The following CAMSAP3 variants were observed in gnomAD, a reference collection of about 807,000 sequenced individuals.
CAMSAP3 encodes calmodulin regulated spectrin associated protein family member 3.
CAMSAP3 carries 34 observed loss-of-function variants against 112.5 expected under a neutral mutation model. That is an observed-to-expected ratio of 0.30 (90% CI 0.23 to 0.40). The LOEUF (loss-of-function observed/expected upper bound fraction) is 0.40. Ranked by LOEUF, CAMSAP3 falls within the 10% of genes least tolerant of loss-of-function variation. The probability of loss-of-function intolerance (pLI) is 1.00; values close to 1 mark genes in which losing one functional copy is unlikely to be tolerated. For synonymous variants in CAMSAP3, 868 were observed against 799.8 expected, an observed-to-expected ratio of 1.09 and a Z score of -1.44; for missense variants, 1,602 against 1,770.3, an observed-to-expected ratio of 0.90 and a Z score of 1.71.
At chr19:7,603,532 A>C (rs952881559) in intron 1 of CAMSAP3, among the ~76,000 whole-genome samples, 4 of 152,036 alleles carry the variant, frequency 2.6e-5, no homozygotes, top group African/African-American at 9.6e-5. Context: ...CGTTCTTTCA[A>C]ACACACACAC....
chr19:7,612,572 C>G lies in CAMSAP3; in HGVS notation c.2079C>G (p.His693Gln), dbSNP rs778095328. 10 of 1,534,620 alleles carry G rather than the reference C, an allele frequency of 6.5e-6. No homozygotes were observed. Among genetic ancestry groups the G allele is most frequent in the African/African-American group, 2.7e-5 (2 of 72,990 alleles). Residue 693 changes from histidine (H) to glutamine (Q), a missense_variant, in exon 11 of 17, where the codon CAC becomes CAG. His to Gln is a conservative substitution (Grantham distance 24, BLOSUM62 0). This residue lies in a region of CAMSAP3 where 1,100 missense variants were observed against 1,135.7 expected (regional missense o/e 0.97). Coordinates refer to ENST00000160298, the MANE Select transcript of CAMSAP3 (RefSeq NM_020902.2). ...CGCCAGACCTGGGCCCGGTGCCCCA[C>G]GAGGGGCTGGGGGAATACAATCGAG... is the stretch of plus-strand genomic sequence containing the variant. ...TFSPDLGPVP[H>Q]EGLGEYNRAV... is the part of the protein sequence containing the mutation.
rs559719133 is a variant in CAMSAP3 at position 7,606,200 on chromosome 19, C to G, written c.403-71C>G. The G allele has an allele frequency of 2.4e-5, 32 of 1,308,620 alleles. No individual in the cohort carries two copies. The South Asian group carries it at 3.7e-4, about 15-fold the overall frequency. 81.1% of individuals were successfully genotyped at this position (1,308,620 alleles called of 1,614,324 possible). A position where few individuals can be genotyped will look rare whatever the true frequency, so the allele number is the denominator to read the frequency against. On this transcript the variant is annotated intron_variant, in intron 2 of 16. Coordinates refer to ENST00000160298, the MANE Select transcript of CAMSAP3 (RefSeq NM_020902.2). ...TCCCATCTGCAGGTTCTTCCTTTTC[C>G]CAGGCCCTTGGGGGCCGAGGTGCGC... is the stretch of plus-strand genomic sequence containing the variant.
In CAMSAP3 at chr19:7,613,112, G is replaced by T; in HGVS notation, c.2619G>T (p.Glu873Asp). Reference protein sequence around the residue: ...SPAGAEDSLEEEASSEGEPRV... With the variant: ...SPAGAEDSLEDEASSEGEPRV... ...CTGGTGCTGAGGATTCCTTGGAGGA[G>T]GAGGCGTCTTCGGAGGGGGAGCCCC... Residue 873 changes from glutamate (E) to aspartate (D), a missense_variant, in exon 11 of 17, where the codon GAG (glutamate) becomes GAT (aspartate). Physicochemically the swap from Glu to Asp is conservative, Grantham distance 45. Coordinates refer to ENST00000160298, the MANE Select transcript of CAMSAP3 (RefSeq NM_020902.2). The T allele has an allele frequency of 6.5e-7, 1 of 1,545,946 alleles. No individual in the cohort carries two copies. Among genetic ancestry groups the T allele is most frequent in the Non-Finnish European group, 8.7e-7 (1 of 1,145,750 alleles).
Position 7,611,178 on chromosome 19 carries a change from G to A in CAMSAP3, c.1123+10G>A. 6.2e-7 allele frequency: 1 copy of A among 1,613,180 alleles called. No individual in the cohort carries two copies. Among genetic ancestry groups the A allele is most frequent in the Non-Finnish European group, 8.5e-7 (1 of 1,179,818 alleles). ...CTCCGAGGATCCACAGGTGAGGAGG[G>A]GGTAGGTGGCTTCTGTCACGGGGGA... On this transcript the variant is annotated intron_variant, in intron 9 of 16. Transcript: ENST00000160298. The surrounding 1 kb of genome is among the most constrained non-coding windows in gnomAD (Gnocchi z 6.9).
rs2030213519 is a variant in CAMSAP3 at position 7,606,208 on chromosome 19, T to C, written c.403-63T>C. On this transcript the variant is annotated intron_variant, in intron 2 of 16. Transcript: ENST00000160298. ...GCAGGTTCTTCCTTTTCCCAGGCCC[T>C]TGGGGGCCGAGGTGCGCCTCCTGCA... is the stretch of plus-strand genomic sequence containing the variant. 24 of 1,284,104 alleles carry C rather than the reference T, an allele frequency of 1.9e-5. No individual in the cohort carries two copies. In the South Asian group the frequency reaches 2.5e-4, roughly 13 times the overall value. The allele number at this position is 1,284,104 out of a possible 1,614,324, so 79.5% of individuals were successfully genotyped here.
chr19:7,618,023 C>T lies in CAMSAP3; in HGVS notation c.3716C>T (p.Thr1239Ile), dbSNP rs780626993. The T allele has an allele frequency of 4.3e-5, 70 of 1,613,824 alleles. No individual in the cohort carries two copies. Among genetic ancestry groups the T allele is most frequent in the Admixed American group, 1.2e-4 (7 of 60,010 alleles). Reference protein sequence around the residue: ...QGHLWQGKKPTTPKKGGGTPK With the variant: ...QGHLWQGKKPITPKKGGGTPK ...CACCTCTGGCAGGGCAAGAAACCCA[C>T]CACTCCCAAGAAGGGCGGCGGCACC... Residue 1239 changes from threonine (T) to isoleucine (I), a missense_variant, in exon 17 of 17, where the codon ACC (threonine) becomes ATC (isoleucine). Coordinates refer to ENST00000160298, the MANE Select transcript of CAMSAP3 (RefSeq NM_020902.2).
intron 2 of CAMSAP3, among the ~76,000 whole-genome samples, chr19:7,605,781 A>G (rs1175398559): frequency 4.1e-5 from 6 of 147,228 alleles, no homozygotes; most frequent in Non-Finnish European, 7.5e-5. Flanking sequence ...CCCTTAAGCT[A>G]TGTCCATCAA....
intron 13 of CAMSAP3, 148 bp from the exon 14 acceptor site, chr19:7,616,375 G>T: frequency 1.6e-6 from 1 of 618,402 alleles, no homozygotes; most frequent in East Asian, 2.9e-5. Flanking sequence ...CTCCCTCATA[G>T]AGGGGTCCCC....
In CAMSAP3 at chr19:7,599,153, A is replaced by C. The variant is rs537146993; in HGVS notation, c.148+3003A>C. Among the ~76,000 whole-genome samples, 634 of 152,008 alleles carry C rather than the reference A, an allele frequency of 4.2e-3. 5 individuals carry two copies. The highest frequency in any genetic ancestry group is 0.014 in the African/African-American group (593 of 41,394). ...GCCACTGCACTCCAGCCTGGGCAAC[A>C]GAGTGAGATCCTGTCTCAATCAGCC... On this transcript the variant is annotated intron_variant, in intron 1 of 16. Coordinates refer to ENST00000160298, the MANE Select transcript of CAMSAP3 (RefSeq NM_020902.2).
intron 1 of CAMSAP3, among the ~76,000 whole-genome samples, chr19:7,604,142 C>T (rs1398175206): frequency 2.0e-5 from 3 of 152,044 alleles, no homozygotes; most frequent in Non-Finnish European, 2.9e-5. Context: ...TCCAAAAAAC[C>T]GCAAAAGCTG....
rs200820524 is a variant in CAMSAP3 at position 7,612,582 on chromosome 19, G to A, written c.2089G>A (p.Gly697Arg). The A allele has an allele frequency of 3.3e-6, 5 of 1,534,224 alleles. No individual in the cohort carries two copies. The African/African-American group carries it at 4.1e-5, about 13-fold the overall frequency. The change falls in exon 11 of 17, where the codon GGG becomes AGG. Residue 697 changes from glycine (G) to arginine (R), a missense_variant. This residue lies in a region of CAMSAP3 where 1,100 missense variants were observed against 1,135.7 expected (regional missense o/e 0.97). Transcript: ENST00000160298. ...DLGPVPHEGL[G>R]EYNRAVSKLS... is the part of the protein sequence containing the mutation. Reference sequence around the variant, plus strand: ...GGGCCCGGTGCCCCACGAGGGGCTGGGGGAATACAATCGAGCGGTCAGCAA... The same window carrying A: ...GGGCCCGGTGCCCCACGAGGGGCTGAGGGAATACAATCGAGCGGTCAGCAA...
At position 7,613,144 on chromosome 19, in the gene CAMSAP3, G is replaced by T. The variant is rs1206300917; in HGVS notation, c.2651G>T (p.Gly884Val). Residue 884 changes from glycine to valine, a missense_variant, in exon 11 of 17, where the codon GGG becomes GTG. This residue lies in a region of CAMSAP3 where 1,100 missense variants were observed against 1,135.7 expected (regional missense o/e 0.97). Transcript: ENST00000160298. ...TCTTCGGAGGGGGAGCCCCGGGTGG[G>T]GCTGGGGTTCTTCTACAAGGTGAGT... ...EASSEGEPRVGLGFFYKDEDK... is the reference protein window; with the variant it reads ...EASSEGEPRVVLGFFYKDEDK... 1 of 1,537,730 alleles carries T rather than the reference G, an allele frequency of 6.5e-7. No homozygotes were observed. Among genetic ancestry groups the T allele is most frequent in the South Asian group, 1.2e-5 (1 of 83,312 alleles).
At chr19:7,613,740 C>T (rs886756929) in intron 11 of CAMSAP3, among the ~76,000 whole-genome samples, 40 of 151,930 alleles carry the variant, frequency 2.6e-4, no homozygotes, top group Non-Finnish European at 2.9e-5. Flanking sequence ...CTTCAGCGCA[C>T]CTCCTTGCTC....
At chr19:7,608,324 C>A in intron 5 of CAMSAP3, 60 bp downstream of exon 5, 2 of 1,557,010 alleles carry the variant, frequency 1.3e-6, no homozygotes, top group Non-Finnish European at 1.7e-6. Context: ...TAAGTCCCAG[C>A]CCCTAGACCC....
At position 7,610,427 on chromosome 19, in the gene CAMSAP3, C is replaced by T; in HGVS notation, c.761-49C>T. The stretch of plus-strand genomic sequence containing the variant: ...GCTGGTCCCTGGCTTCCCTGGGGCC[C>T]CATCCTCCTCCTCATAGAGTTGGGG... On this transcript the variant is annotated intron_variant, in intron 5 of 16. Coordinates refer to ENST00000160298, the MANE Select transcript of CAMSAP3 (RefSeq NM_020902.2). The surrounding 1 kb of genome is among the most constrained non-coding windows in gnomAD (Gnocchi z 4.9). 6.4e-7 allele frequency: 1 copy of T among 1,558,948 alleles called. No homozygotes were observed. Among genetic ancestry groups the T allele is most frequent in the Non-Finnish European group, 8.7e-7 (1 of 1,152,322 alleles).
intron 2 of CAMSAP3, 121 bp from the exon 3 acceptor site, chr19:7,606,150 A>ACCCCCCCCCCCCCCCCCCCCCCCCC: frequency 3.8e-6 from 1 of 265,230 alleles, no homozygotes; most frequent in Non-Finnish European, 6.6e-6. Context: ...CGCCCCCTCA[A>ACCCCCCCCCCCCCCCCCCCCCCCCC]GCCCCACCCC....
intron 1 of CAMSAP3, among the ~76,000 whole-genome samples, chr19:7,596,387 C>G (rs2146148523): frequency 6.6e-6 from 1 of 151,392 alleles, no homozygotes; most frequent in East Asian, 2.0e-4. Flanking sequence ...GCCCGCGGCC[C>G]AGCTCCGCGC....
intron 1 of CAMSAP3, among the ~76,000 whole-genome samples, chr19:7,599,768 C>T (rs1291375653): frequency 3.4e-5 from 4 of 116,072 alleles, no homozygotes; most frequent in Non-Finnish European, 7.1e-5. Flanking sequence ...CTCATCCATC[C>T]ACCCACTCAT....
Position 7,615,858 on chromosome 19 carries a change from G to A in CAMSAP3, c.3112+139G>A, listed in dbSNP as rs1301843437. Reference sequence around the variant, plus strand: ...GGGGCGGGTATGTGGGGTGACAGGGGGCCTCAGGTGGGGTTGGACACTGTC... The same window carrying A: ...GGGGCGGGTATGTGGGGTGACAGGGAGCCTCAGGTGGGGTTGGACACTGTC... On this transcript the variant is annotated intron_variant, in intron 13 of 16. Transcript: ENST00000160298. This position sits in a 1 kb window ranked among gnomAD's most constrained non-coding sequence, Gnocchi z 6.5. 3.1e-6 allele frequency: 2 copies of A among 649,278 alleles called. No individual in the cohort carries two copies. The highest frequency in any genetic ancestry group is 4.0e-5 in the Admixed American group (1 of 25,092). 40.2% of individuals were successfully genotyped at this position (649,278 alleles called of 1,614,324 possible).
Sources: allele counts gnomAD v4.1 joint callset (sites outside exome capture counted in the v4.1 genomes callset), GRCh38; gene constraint gnomAD v4.1.1; regional missense constraint gnomAD v4.1.1; non-coding constraint Gnocchi (gnomAD v3.1); transcripts MANE v1.5; gene names NCBI Gene and HGNC (gene_info 2026-07-23, HGNC 2026-07-21).